TTLL5: variants seen among roughly 807,000 people sequenced by gnomAD.
The protein encoded by TTLL5 is tubulin tyrosine ligase like 5.
TTLL5 carries 132 observed loss-of-function variants against 168.4 expected under a neutral mutation model. The ratio of observed to expected loss-of-function variants is 0.78; its 90% CI spans 0.68 to 0.91. The LOEUF is 0.91. Among genes scored for constraint, TTLL5 ranks in the 40% least tolerant of loss-of-function variants. TTLL5 has a pLI of 0.00. For synonymous variants in TTLL5, 546 were observed against 558.6 expected, an observed-to-expected ratio of 0.98 and a Z score of 0.32; for missense variants, 1,545 against 1,581.5, an observed-to-expected ratio of 0.98 and a Z score of 0.39.
rs77866311 is a variant in TTLL5, at chr14:75,817,772, C to G, written c.3172-2235C>G. ...TTGTGTCTTCTCTCTCTTCAACAGT[C>G]CCGGTGCATCTTACTTTGAAATGCT... On this transcript the variant is annotated intron_variant, in intron 27 of 31. Coordinates refer to ENST00000298832, the MANE Select transcript of TTLL5 (RefSeq NM_015072.5). 8.1e-3 allele frequency among the ~76,000 whole-genome samples: 1,236 copies of G among 151,680 alleles called. 16 individuals carry two copies. Among genetic ancestry groups the G allele is most frequent in the African/African-American group, 0.028 (1,164 of 41,328 alleles).
At chr14:75,773,998 A>C (rs539768729) in intron 21 of TTLL5, among the ~76,000 whole-genome samples, 40 of 137,760 alleles carry the variant, frequency 2.9e-4, no homozygotes, top group African/African-American at 7.9e-4. Flanking sequence ...AGAGAGAGAG[A>C]GCGAGAGTAC....
At chr14:75,732,487 T>C in intron 13 of TTLL5, 68 bp downstream of exon 13, 1 of 1,065,322 alleles carries the variant, frequency 9.4e-7, no homozygotes. Context: ...TTTTTTTTTT[T>C]GATCATTTCT....
At chr14:75,869,407 C>T (rs2030822629) in intron 29 of TTLL5, among the ~76,000 whole-genome samples, 1 of 152,188 alleles carries the variant, frequency 6.6e-6, no homozygotes, top group African/African-American at 2.4e-5. Flanking sequence ...TGACTTAAGA[C>T]AGGTTATTCA....
intron 15 of TTLL5, among the ~76,000 whole-genome samples, chr14:75,740,243 C>T (rs1594952320): frequency 6.6e-6 from 1 of 152,144 alleles, no homozygotes; most frequent in Non-Finnish European, 1.5e-5. Flanking sequence ...ACTTTTAAAG[C>T]ATGTTTTAAA....
At chr14:75,925,625 C>A (rs1319608008) in intron 31 of TTLL5, among the ~76,000 whole-genome samples, 2 of 151,916 alleles carry the variant, frequency 1.3e-5, no homozygotes, top group Admixed American at 6.5e-5. Flanking sequence ...CAGGCAGAGA[C>A]GCTCCTCACT....
At chr14:75,860,544 C>G (rs1445766386) in intron 28 of TTLL5, among the ~76,000 whole-genome samples, 2 of 152,214 alleles carry the variant, frequency 1.3e-5, no homozygotes, top group Admixed American at 6.5e-5. Flanking sequence ...GATGGGCTTT[C>G]TGAACTTTAG....
intron 31 of TTLL5, among the ~76,000 whole-genome samples, chr14:75,953,228 T>C (rs1177427489): frequency 6.6e-6 from 1 of 152,190 alleles, no homozygotes; most frequent in Non-Finnish European, 1.5e-5. Flanking sequence ...TCACAGAAAT[T>C]GTAAACTGAG....
intron 6 of TTLL5, among the ~76,000 whole-genome samples, chr14:75,694,902 G>A (rs1404955581): frequency 6.6e-6 from 1 of 152,078 alleles, no homozygotes; most frequent in African/African-American, 2.4e-5. Context: ...AGCTGAGGAC[G>A]TATGTCGCCT....
chr14:75,782,827 A>C (rs1167525265), intron 25 of TTLL5, among the ~76,000 whole-genome samples: 1 of 152,158 alleles, frequency 6.6e-6, no homozygotes, highest in African/African-American at 2.4e-5. Context: ...GAAGGGGGAG[A>C]GGAATTAGCT....
chr14:75,694,102 G>A (rs1885654479), intron 6 of TTLL5, among the ~76,000 whole-genome samples: 1 of 152,202 alleles, frequency 6.6e-6, no homozygotes, highest in Non-Finnish European at 1.5e-5. Context: ...AAGAACTGGG[G>A]AGCCTGTTTT....
At chr14:75,805,072 A>G (rs758965607) in intron 27 of TTLL5, among the ~76,000 whole-genome samples, 1 of 152,018 alleles carries the variant, frequency 6.6e-6, no homozygotes, top group Non-Finnish European at 1.5e-5. Flanking sequence ...CTCCACCCCT[A>G]CACACTTGCT....
chr14:75,934,006 G>C (rs1345066345), intron 31 of TTLL5, among the ~76,000 whole-genome samples: 1 of 152,206 alleles, frequency 6.6e-6, no homozygotes, highest in Non-Finnish European at 1.5e-5. Context: ...ATGAGTTCCT[G>C]TTATTTCAGC....
intron 27 of TTLL5, chr14:75,814,757 C>T (rs1343157411): frequency 2.6e-5 from 4 of 152,210 alleles, no homozygotes; most frequent in Non-Finnish European, 4.4e-5. Context: ...GTATACGTAA[C>T]ATTTAGCCAG....
intron 2 of TTLL5, among the ~76,000 whole-genome samples, chr14:75,668,271 G>A (rs1424854697): frequency 6.6e-6 from 1 of 152,192 alleles, no homozygotes; most frequent in African/African-American, 2.4e-5. Context: ...GCTGAAATGC[G>A]ATTAGGGAGG....
chr14:75,826,576 ACT>A (rs1895155312), intron 28 of TTLL5, among the ~76,000 whole-genome samples: 1 of 152,146 alleles, frequency 6.6e-6, no homozygotes, highest in East Asian at 1.9e-4. Context: ...TAATTTTGTA[ACT>A]CTACAAAATG....
chr14:75,694,135 G>C (rs1015722519), intron 6 of TTLL5, among the ~76,000 whole-genome samples: 7 of 152,212 alleles, frequency 4.6e-5, no homozygotes, highest in Non-Finnish European at 8.8e-5. Context: ...TCCTGAAGCA[G>C]AGAGTCCTGA....
chr14:75,758,648 T>C (rs1305851982), intron 18 of TTLL5, among the ~76,000 whole-genome samples: 1 of 152,160 alleles, frequency 6.6e-6, no homozygotes, highest in Non-Finnish European at 1.5e-5. Context: ...ATAGACCATA[T>C]GCTGGAGCAT....
At chr14:75,677,096 A>T (rs577567252) in intron 3 of TTLL5, among the ~76,000 whole-genome samples, 1 of 152,238 alleles carries the variant, frequency 6.6e-6, no homozygotes, top group Admixed American at 6.5e-5. Context: ...AATTTGCTAT[A>T]TAAAATGTAT....
Position 75,852,201 on chromosome 14 carries a change from C to T in TTLL5, c.3327-11466C>T, listed in dbSNP as rs139257661. On this transcript the variant is annotated intron_variant, in intron 28 of 31. Transcript: ENST00000298832. ...CACTGCATTGCTGCCTCCCCTTCTGCAGGTGGTCCTGTGCAGACCCGTGGT... is the reference window on the plus strand; with the variant it reads ...CACTGCATTGCTGCCTCCCCTTCTGTAGGTGGTCCTGTGCAGACCCGTGGT... Among the ~76,000 whole-genome samples the T allele has an allele frequency of 2.0e-5, 3 of 152,322 alleles. No individual in the cohort carries two copies. The East Asian group carries it at 5.8e-4, about 29-fold the overall frequency.
Sources: allele counts gnomAD v4.1 joint callset (sites outside exome capture counted in the v4.1 genomes callset), GRCh38; gene constraint gnomAD v4.1.1; transcripts MANE v1.5; gene names NCBI Gene and HGNC (gene_info 2026-07-23, HGNC 2026-07-21).